Variants in LOC112694756 observed in about 807,000 individuals in gnomAD.
chr16:30,069,066 C>A, the LOC112694756 span: 1 of 1,585,456 alleles, frequency 6.3e-7, no homozygotes, highest in Non-Finnish European at 8.6e-7. Flanking sequence ...TGATGCCTAC[C>A]TCCCCAAAAG....
the LOC112694756 span, chr16:30,069,719 AC>A: frequency 6.2e-7 from 1 of 1,611,964 alleles, no homozygotes; most frequent in Non-Finnish European, 8.5e-7. Flanking sequence ...GATAAGCTCC[AC>A]CCACAACCCT....
At chr16:30,068,346 G>C in the LOC112694756 span, 1 of 401,134 alleles carries the variant, frequency 2.5e-6, no homozygotes, top group Non-Finnish European at 4.8e-6. Flanking sequence ...TTACAGGCGT[G>C]AGCCACCATG....
At chr16:30,069,093 C>T in the LOC112694756 span, 1 of 1,516,256 alleles carries the variant, frequency 6.6e-7, no homozygotes. Context: ...TTAGCTTTGG[C>T]CCGTGGAGGA....
the LOC112694756 span, chr16:30,053,319 C>T: frequency 6.5e-6 from 1 of 152,870 alleles, no homozygotes; most frequent in East Asian, 1.9e-4. Flanking sequence ...CGCCTCGGAT[C>T]CCCCGCCCCC....
the LOC112694756 span, chr16:30,067,530 ACAG>A: frequency 3.1e-6 from 5 of 1,613,578 alleles, no homozygotes; most frequent in Admixed American, 5.0e-5. Context: ...GCTGCTGCTG[ACAG>A]CTGACGACCG....
the LOC112694756 span, chr16:30,066,873 T>C: frequency 6.5e-7 from 1 of 1,545,986 alleles, no homozygotes; most frequent in Non-Finnish European, 8.7e-7. Context: ...TCCGGTTCGG[T>C]TTTGTTTTCA....
the LOC112694756 span, chr16:30,064,284 A>G: frequency 5.0e-6 from 2 of 397,894 alleles, no homozygotes; most frequent in Non-Finnish European, 8.8e-6. Flanking sequence ...TCCTTCTTAA[A>G]AAAAACCAGG....
chr16:30,058,187 C>G, the LOC112694756 span, among the ~76,000 whole-genome samples: 1 of 152,220 alleles, frequency 6.6e-6, no homozygotes, highest in Non-Finnish European at 1.5e-5. Flanking sequence ...CTGATCCTCT[C>G]TGGTTTCTGC....
At chr16:30,056,912 T>C in the LOC112694756 span, among the ~76,000 whole-genome samples, 2 of 134,350 alleles carry the variant, frequency 1.5e-5, no homozygotes, top group Non-Finnish European at 3.2e-5. Context: ...CTACTTGCCC[T>C]TTTTTTTTTT....
At chr16:30,055,347 C>T in the LOC112694756 span, 2 of 399,154 alleles carry the variant, frequency 5.0e-6, no homozygotes, top group Non-Finnish European at 8.8e-6. Flanking sequence ...ATTCCTACCC[C>T]CTGCCCCACT....
At chr16:30,066,117 G>A in the LOC112694756 span, 439 of 152,754 alleles carry the variant, frequency 2.9e-3, 3 homozygotes, top group Middle Eastern at 0.031. Context: ...GGCTGCGCGC[G>A]CTGAGTCATG....
chr16:30,068,569 C>T, the LOC112694756 span: 4 of 1,518,464 alleles, frequency 2.6e-6, no homozygotes, highest in Non-Finnish European at 2.7e-6. Context: ...CACCACTGTA[C>T]TCCAGCCGGG....
chr16:30,055,365 G>C, the LOC112694756 span: 1 of 399,030 alleles, frequency 2.5e-6, no homozygotes, highest in African/African-American at 2.1e-5. Flanking sequence ...ACTGAGCCCT[G>C]ATCTAGGTAT....
the LOC112694756 span, among the ~76,000 whole-genome samples, chr16:30,061,821 A>T: frequency 6.6e-6 from 1 of 151,326 alleles, no homozygotes; most frequent in Admixed American, 6.6e-5. Context: ...TGGCCTCCCA[A>T]GTTGTTGGGA....
the LOC112694756 span, chr16:30,067,236 A>T: frequency 6.2e-7 from 1 of 1,612,204 alleles, no homozygotes; most frequent in Non-Finnish European, 8.5e-7. Context: ...GTATCCAGGA[A>T]CTTGCTACTA....
chr16:30,053,343 G>T, the LOC112694756 span: 1 of 152,732 alleles, frequency 6.5e-6, no homozygotes, highest in East Asian at 1.9e-4. Context: ...TCCCCTTCCC[G>T]AATTCCACCC....
At chr16:30,054,294 G>A in the LOC112694756 span, among the ~76,000 whole-genome samples, 25 of 152,100 alleles carry the variant, frequency 1.6e-4, no homozygotes, top group Non-Finnish European at 2.6e-4. Context: ...TCCAGCCTGG[G>A]TGACAGTGAT....
the LOC112694756 span, chr16:30,067,792 C>T: frequency 8.0e-6 from 8 of 1,001,156 alleles, no homozygotes; most frequent in African/African-American, 1.6e-5. Context: ...AGGCTTAGGG[C>T]ATTTACTCGA....
chr16:30,059,866 C>T, the LOC112694756 span, among the ~76,000 whole-genome samples: 4 of 152,060 alleles, frequency 2.6e-5, no homozygotes, highest in East Asian at 7.8e-4. Context: ...CATGCCCGGC[C>T]AAGAACAGCT....
Sources: allele counts gnomAD v4.1 joint callset (sites outside exome capture counted in the v4.1 genomes callset), GRCh38; gene constraint gnomAD v4.1.1; transcripts MANE v1.5.